CEP41: variants seen among roughly 807,000 people sequenced by gnomAD.
CEP41 encodes the protein centrosomal protein 41.
In CEP41, 32 loss-of-function variants were observed where a neutral mutation model predicts 44.3. The observed-to-expected ratio is 0.72, with a 90% CI of 0.54 to 0.97. The LOEUF (loss-of-function observed/expected upper bound fraction) is 0.97, where lower values mean the gene tolerates loss of function less well. Among genes scored for constraint, CEP41 ranks in the 50% least tolerant of loss-of-function variants. The pLI is 0.00. For synonymous variants in CEP41, 151 were observed against 168.5 expected (o/e 0.90, Z 0.80); for missense variants, 432 against 455.2 (o/e 0.95, Z 0.46).
At chr7:130,440,640 C>T (rs1164753904) in intron 1 of CEP41, 8 of 579,466 alleles carry the variant, frequency 1.4e-5, no homozygotes, top group Non-Finnish European at 2.2e-5. Flanking sequence ...ACTGTCACTC[C>T]GAGACTGTAA....
At chr7:130,433,384 AAG>A (rs1194272343) in intron 1 of CEP41, among the ~76,000 whole-genome samples, 1 of 151,984 alleles carries the variant, frequency 6.6e-6, no homozygotes, top group Non-Finnish European at 1.5e-5. Flanking sequence ...TGGGCAAGAT[AAG>A]AGAGGTTGAA....
intron 1 of CEP41, among the ~76,000 whole-genome samples, chr7:130,439,283 A>G (rs1440501264): frequency 6.6e-6 from 1 of 152,220 alleles, no homozygotes; most frequent in Non-Finnish European, 1.5e-5. Context: ...GAGATACAAA[A>G]TATGTTAATC....
chr7:130,429,967 C>T (rs1797776886), intron 1 of CEP41, among the ~76,000 whole-genome samples: 1 of 152,194 alleles, frequency 6.6e-6, no homozygotes, highest in African/African-American at 2.4e-5. Flanking sequence ...CTATCTGGTT[C>T]CTCAGAAGAG....
intron 2 of CEP41, chr7:130,422,028 T>G: frequency 6.5e-7 from 1 of 1,535,456 alleles, no homozygotes; most frequent in Non-Finnish European, 8.7e-7. Flanking sequence ...AAAGAAATAT[T>G]TGAAGTTCAA....
Position 130,393,788 on chromosome 7 carries a change from A to G in CEP41, c.*5103T>C. The G allele has an allele frequency of 2.2e-6, 1 of 452,192 alleles. No homozygotes were observed. The highest frequency in any genetic ancestry group is 1.6e-5 in the South Asian group (1 of 64,200). 28.0% of individuals were successfully genotyped at this position (452,192 alleles called of 1,614,324 possible). ...GGCACAAATCATATCAATATGGTTTACTGAATGAATGGCTAGACCTATCAG... is the reference window on the plus strand; with the variant it reads ...GGCACAAATCATATCAATATGGTTTGCTGAATGAATGGCTAGACCTATCAG... On this transcript the variant is annotated 3_prime_UTR_variant, in exon 11 of 11. Transcript: ENST00000223208.
rs73721894 is a variant in CEP41, at chr7:130,416,561, T to C, written c.145+358A>G. ...AGATATTATTACCCCCTATCTCAAA[T>C]AGAGACAAAATAAGACAGAAAAGAT... On this transcript the variant is annotated intron_variant, in intron 3 of 10. Coordinates refer to ENST00000223208, the MANE Select transcript of CEP41 (RefSeq NM_018718.3). Among the ~76,000 whole-genome samples the C allele has an allele frequency of 9.4e-3, 1,423 of 152,192 alleles. 26 individuals carry two copies. The highest frequency in any genetic ancestry group is 0.033 in the African/African-American group (1,356 of 41,516).
chr7:130,435,959 C>A (rs1408365038), intron 1 of CEP41, among the ~76,000 whole-genome samples: 8 of 152,138 alleles, frequency 5.3e-5, no homozygotes, highest in African/African-American at 1.9e-4. Flanking sequence ...TCAAGACCAG[C>A]CTGGCCAAGA....
At chr7:130,440,803 C>A in intron 1 of CEP41, 131 bp downstream of exon 1, 2 of 838,996 alleles carry the variant, frequency 2.4e-6, no homozygotes, top group Non-Finnish European at 3.9e-6. Flanking sequence ...CCCTGCATCC[C>A]GACCCCTCCT....
At chr7:130,404,080 AAAAAT>A (rs1796934289) in intron 6 of CEP41, among the ~76,000 whole-genome samples, 1 of 152,216 alleles carries the variant, frequency 6.6e-6, no homozygotes, top group Non-Finnish European at 1.5e-5. Context: ...GAAGGAGCAG[AAAAAT>A]AAAATAAAAA....
At chr7:130,410,340 C>T (rs1352601412) in intron 5 of CEP41, among the ~76,000 whole-genome samples, 1 of 151,984 alleles carries the variant, frequency 6.6e-6, no homozygotes, top group Admixed American at 6.6e-5. Flanking sequence ...CGTGCCTGGC[C>T]GCCTACCTTG....
chr7:130,441,258 G>C (rs375099242), upstream of CEP41: 30 of 534,004 alleles, frequency 5.6e-5, 1 homozygote, highest in Middle Eastern at 5.2e-4. Flanking sequence ...GAGAGGCGCG[G>C]GGGGAGGGGA....
At chr7:130,402,428 T>G (rs772494806) in intron 7 of CEP41, among the ~76,000 whole-genome samples, 5 of 151,754 alleles carry the variant, frequency 3.3e-5, no homozygotes, top group Non-Finnish European at 7.4e-5. Flanking sequence ...GAACAAAGCA[T>G]GAAGCTTCAC....
chr7:130,434,640 T>C (rs1428193460), intron 1 of CEP41, among the ~76,000 whole-genome samples: 2 of 152,218 alleles, frequency 1.3e-5, no homozygotes, highest in African/African-American at 2.4e-5. Context: ...TGGACATATT[T>C]ATCAACATAG....
At chr7:130,412,098 T>C (rs1397996372) in intron 4 of CEP41, 81 bp downstream of exon 4, 8 of 823,896 alleles carry the variant, frequency 9.7e-6, no homozygotes, top group Non-Finnish European at 1.7e-5. Context: ...CTGCAAACTT[T>C]CCCTAGAGTT....
intron 1 of CEP41, among the ~76,000 whole-genome samples, chr7:130,435,604 G>T (rs1209455132): frequency 6.6e-6 from 1 of 152,130 alleles, no homozygotes; most frequent in Non-Finnish European, 1.5e-5. Context: ...GTTGCCAAGA[G>T]TATGCAAAAA....
intron 2 of CEP41, among the ~76,000 whole-genome samples, chr7:130,418,520 T>C (rs1797404065): frequency 6.6e-6 from 1 of 152,180 alleles, no homozygotes; most frequent in Non-Finnish European, 1.5e-5. Flanking sequence ...CCAGTAGCTT[T>C]AGGTTATATG....
At chr7:130,438,266 A>G in intron 1 of CEP41, among the ~76,000 whole-genome samples, 1 of 152,140 alleles carries the variant, frequency 6.6e-6, no homozygotes, top group East Asian at 1.9e-4. Flanking sequence ...CTATCAAAAT[A>G]GTAACTATTG....
intron 6 of CEP41, 85 bp from the exon 7 acceptor site, chr7:130,402,884 G>A (rs1354830243): frequency 7.3e-7 from 1 of 1,373,234 alleles, no homozygotes. Context: ...ATAGTGAGGT[G>A]AGTGCTCAAT....
intron 4 of CEP41, 53 bp from the exon 5 acceptor site, chr7:130,411,244 G>A (rs1436574042): frequency 2.4e-5 from 35 of 1,443,430 alleles, no homozygotes; most frequent in African/African-American, 8.4e-5. Flanking sequence ...TTAAACAGAC[G>A]CAATTTTGTC....
Sources: allele counts gnomAD v4.1 joint callset (sites outside exome capture counted in the v4.1 genomes callset), GRCh38; gene constraint gnomAD v4.1.1; transcripts MANE v1.5; gene names NCBI Gene and HGNC (gene_info 2026-07-23, HGNC 2026-07-21).